Variants in THRAP3 observed in about 807,000 individuals in gnomAD.
THRAP3 encodes thyroid hormone receptor associated protein 3, also known as thyroid hormone receptor-associated protein 3.
Under a neutral mutation model 101.0 loss-of-function variants are expected in THRAP3, and 16 were observed. The observed-to-expected ratio is 0.16, with a 90% CI of 0.11 to 0.24. The LOEUF is 0.24. THRAP3 is among the 10% of genes least tolerant of loss of function. THRAP3 has a pLI of 1.00. For synonymous variants in THRAP3, 407 were observed against 422.6 expected (o/e 0.96, Z 0.45); for missense variants, 989 against 1,202.7 (o/e 0.82, Z 2.63).
At chr1:36,230,570 G>A (rs1406021000) in intron 1 of THRAP3, among the ~76,000 whole-genome samples, 2 of 152,124 alleles carry the variant, frequency 1.3e-5, no homozygotes, top group Non-Finnish European at 2.9e-5. Flanking sequence ...GCCTAGAAAA[G>A]GAGCATTTTA....
chr1:36,293,910 A>G lies in THRAP3; in HGVS notation c.2090A>G (p.Lys697Arg). ...RKHGLAHDEMKSPREPGYKAE... is the reference protein window; with the variant it reads ...RKHGLAHDEMRSPREPGYKAE... ...CATGGTTTGGCTCATGATGAAATGA[A>G]AAGTCCCCGGGAACCTGGCTACAAG... is the stretch of plus-strand genomic sequence containing the variant. The change falls in exon 8 of 12, where the codon AAA becomes AGA. Residue 697 changes from lysine (K) to arginine (R), a missense_variant. Physicochemically the swap from Lys to Arg is conservative, Grantham distance 26. Transcript: ENST00000354618. 1 of 1,613,830 alleles carries G rather than the reference A, an allele frequency of 6.2e-7. No homozygotes were observed. The highest frequency in any genetic ancestry group is 2.2e-5 in the East Asian group (1 of 44,868).
chr1:36,277,362 G>A (rs753562658), intron 2 of THRAP3, among the ~76,000 whole-genome samples: 1 of 151,086 alleles, frequency 6.6e-6, no homozygotes, highest in Non-Finnish European at 1.5e-5. Context: ...ACCACACCTG[G>A]CTACTTTTTG....
At chr1:36,210,352 C>T in the THRAP3 span, among the ~76,000 whole-genome samples, 765 of 125,636 alleles carry the variant, frequency 6.1e-3, 3 homozygotes, top group African/African-American at 0.012. Context: ...GGCGACAGAG[C>T]GAGACTCCAT....
intron 9 of THRAP3, among the ~76,000 whole-genome samples, chr1:36,297,118 T>C (rs1206696968): frequency 6.6e-6 from 1 of 152,220 alleles, no homozygotes; most frequent in African/African-American, 2.4e-5. Flanking sequence ...ATTTTAGAAA[T>C]GGCCCAAAGT....
chr1:36,207,887 G>A, the THRAP3 span, among the ~76,000 whole-genome samples: 1 of 152,086 alleles, frequency 6.6e-6, no homozygotes, highest in Non-Finnish European at 1.5e-5. Context: ...CAGCCTCCCG[G>A]GTTCAAGCGA....
chr1:36,220,972 A>AATATATATATATATATATAT (rs1228406695), upstream of THRAP3, among the ~76,000 whole-genome samples: 2 of 94,146 alleles, frequency 2.1e-5, no homozygotes, highest in African/African-American at 4.7e-5. Context: ...AAAAAAAAAA[A>AATATATATATATATATATAT]ATATATATAT....
At position 36,248,512 on chromosome 1, in the gene THRAP3, A is replaced by G. The variant is rs112731471; in HGVS notation, c.-134-10870A>G. Among the ~76,000 whole-genome samples the G allele has an allele frequency of 7.8e-3, 1,166 of 148,922 alleles. 15 individuals are homozygous for G. Among genetic ancestry groups the G allele is most frequent in the African/African-American group, 0.027 (1,095 of 40,302 alleles). The stretch of plus-strand genomic sequence containing the variant: ...ACCTAGTCTGGAGTACAGTGGTGCA[A>G]TCATGACTCACTGCAGCCTTGACCT... On this transcript the variant is annotated intron_variant, in intron 1 of 11. Transcript: ENST00000354618.
upstream of THRAP3, among the ~76,000 whole-genome samples, chr1:36,222,673 C>T (rs1368466697): frequency 1.3e-5 from 2 of 151,840 alleles, no homozygotes; most frequent in South Asian, 4.2e-4. Context: ...TCTCCCAAAG[C>T]GTTGGGATTA....
upstream of THRAP3, among the ~76,000 whole-genome samples, chr1:36,221,033 A>G (rs1644900956): frequency 6.9e-6 from 1 of 144,636 alleles, no homozygotes; most frequent in Non-Finnish European, 1.5e-5. Context: ...AATTTTTACA[A>G]TTTTAGCTCA....
At chr1:36,246,711 C>T (rs947616977) in intron 1 of THRAP3, among the ~76,000 whole-genome samples, 4 of 151,752 alleles carry the variant, frequency 2.6e-5, no homozygotes, top group Non-Finnish European at 5.9e-5. Context: ...GAGTGGTGGC[C>T]GGCACTTGTA....
In THRAP3 at chr1:36,286,681, T is replaced by C; in HGVS notation, c.451T>C (p.Ser151Pro). Residue 151 changes from serine (S) to proline (P), a missense_variant, in exon 4 of 12, where the codon TCT becomes CCT. Ser to Pro is a moderately conservative substitution (Grantham distance 74, BLOSUM62 -1). Coordinates refer to ENST00000354618, the MANE Select transcript of THRAP3 (RefSeq NM_005119.4). The surrounding 1 kb of genome is among the most constrained non-coding windows in gnomAD (Gnocchi z 5.5). The part of the protein sequence containing the change: ...SHSRNSDKSS[S>P]DRSRRSSSSR... Reference sequence around the variant, plus strand: ...TTCTAGAAACTCTGATAAGTCGTCTTCTGACCGGTCAAGGCGCTCCTCATC... The same window carrying C: ...TTCTAGAAACTCTGATAAGTCGTCTCCTGACCGGTCAAGGCGCTCCTCATC... 6.2e-7 allele frequency: 1 copy of C among 1,614,142 alleles called. No homozygotes were observed. The highest frequency in any genetic ancestry group is 8.5e-7 in the Non-Finnish European group (1 of 1,180,018).
At chr1:36,264,694 A>G (rs1570288897) in intron 2 of THRAP3, among the ~76,000 whole-genome samples, 1 of 152,108 alleles carries the variant, frequency 6.6e-6, no homozygotes, top group Non-Finnish European at 1.5e-5. Context: ...CTAGTTATCT[A>G]TCTCTTTTGG....
intron 2 of THRAP3, among the ~76,000 whole-genome samples, chr1:36,267,292 C>T (rs1645527676): frequency 6.6e-6 from 1 of 152,160 alleles, no homozygotes; most frequent in South Asian, 2.1e-4. Context: ...TTCTTTACCA[C>T]CTAATTCCAT....
intron 1 of THRAP3, among the ~76,000 whole-genome samples, chr1:36,233,845 T>C (rs1324776257): frequency 6.6e-6 from 1 of 152,224 alleles, no homozygotes; most frequent in African/African-American, 2.4e-5. Context: ...CAGGTAACTA[T>C]AGTAAGTAGG....
intron 1 of THRAP3, among the ~76,000 whole-genome samples, chr1:36,232,771 G>A (rs1261170409): frequency 1.3e-5 from 2 of 152,154 alleles, no homozygotes; most frequent in African/African-American, 4.8e-5. Flanking sequence ...TGGTAGGTGA[G>A]TAGATTGCCA....
At chr1:36,289,835 G>A (rs1645843279) in intron 5 of THRAP3, 71 bp downstream of exon 5, 3 of 1,509,978 alleles carry the variant, frequency 2.0e-6, no homozygotes, top group Non-Finnish European at 2.6e-6. Context: ...TTTCTCCCTG[G>A]GGACATTCTG....
intron 1 of THRAP3, among the ~76,000 whole-genome samples, chr1:36,235,996 C>A (rs1326873791): frequency 6.6e-6 from 1 of 151,884 alleles, no homozygotes; most frequent in Non-Finnish European, 1.5e-5. Context: ...CACCTGTAAT[C>A]CCAGGACTTT....
chr1:36,298,317 T>C (rs1191976435), intron 9 of THRAP3, among the ~76,000 whole-genome samples: 1 of 151,992 alleles, frequency 6.6e-6, no homozygotes, highest in Non-Finnish European at 1.5e-5. Context: ...ATGGAAGTGG[T>C]AGTACAGTAG....
upstream of THRAP3, among the ~76,000 whole-genome samples, chr1:36,220,328 G>A (rs953850639): frequency 4.6e-5 from 7 of 152,070 alleles, no homozygotes; most frequent in South Asian, 2.1e-4. Context: ...CATGATGTCC[G>A]TTCTATAGCC....
Sources: gnomAD v4.1 joint callset for allele counts (sites outside exome capture counted in the v4.1 genomes callset) on GRCh38, gnomAD v4.1.1 for gene constraint, Gnocchi (gnomAD v3.1) non-coding constraint, MANE v1.5 for transcripts, NCBI Gene and HGNC (gene_info 2026-07-23, HGNC 2026-07-21) for gene names.